NCK2: variants seen among roughly 807,000 people sequenced by gnomAD.
NCK2 encodes cytoplasmic protein NCK2.
Under a neutral mutation model 33.9 loss-of-function variants are expected in NCK2, and 16 were observed. The observed-to-expected ratio is 0.47, with a 90% CI of 0.32 to 0.72. NCK2 has a LOEUF of 0.72. Among genes scored for constraint, NCK2 ranks in the 30% least tolerant of loss-of-function variants. NCK2 has a pLI of 0.03. For synonymous variants in NCK2, 273 were observed against 239.9 expected, an observed-to-expected ratio of 1.14 and a Z score of -1.27; for missense variants, 418 against 537.3, an observed-to-expected ratio of 0.78 and a Z score of 2.19.
chr2:105,836,989 G>A (rs1676459549), intron 2 of NCK2, among the ~76,000 whole-genome samples: 1 of 152,148 alleles, frequency 6.6e-6, no homozygotes, highest in African/African-American at 2.4e-5. Flanking sequence ...AGGCATCTGT[G>A]GTGTGAATGT....
intron 1 of NCK2, among the ~76,000 whole-genome samples, chr2:105,758,653 C>T (rs1689670107): frequency 6.6e-6 from 1 of 151,770 alleles, no homozygotes; most frequent in African/African-American, 2.4e-5. Flanking sequence ...TGTGATCCAC[C>T]CGCCTCAGCC....
chr2:105,783,652 C>T (rs561367067), intron 1 of NCK2, among the ~76,000 whole-genome samples: 109 of 152,148 alleles, frequency 7.2e-4, no homozygotes, highest in African/African-American at 1.4e-3. Context: ...TACCTTAGCA[C>T]GAAGAAACCC....
intron 1 of NCK2, among the ~76,000 whole-genome samples, chr2:105,803,300 A>G (rs1674909816): frequency 6.6e-6 from 1 of 152,118 alleles, no homozygotes; most frequent in Admixed American, 6.5e-5. Flanking sequence ...GCTGTTTTTT[A>G]TAGGCACGTT....
At chr2:105,860,789 C>T (rs1000844447) in intron 3 of NCK2, among the ~76,000 whole-genome samples, 1 of 113,862 alleles carries the variant, frequency 8.8e-6, no homozygotes, top group Non-Finnish European at 2.0e-5. Flanking sequence ...TAGATCCATG[C>T]CCCGCCCGCC....
intron 1 of NCK2, among the ~76,000 whole-genome samples, chr2:105,804,330 A>G (rs930378939): frequency 1.3e-4 from 20 of 152,228 alleles, no homozygotes; most frequent in Non-Finnish European, 2.6e-4. Flanking sequence ...GACCTGGTGG[A>G]CGAGAAAATG....
intron 1 of NCK2, among the ~76,000 whole-genome samples, chr2:105,751,406 C>T (rs986112965): frequency 6.6e-6 from 1 of 152,180 alleles, no homozygotes; most frequent in African/African-American, 2.4e-5. Context: ...CCCTGACAGT[C>T]AGGTCTGGCC....
At chr2:105,854,094 G>A (rs1677169421) in intron 2 of NCK2, 1 of 152,226 alleles carries the variant, frequency 6.6e-6, no homozygotes. Context: ...TAAACTGTCA[G>A]AATCACACAG....
At chr2:105,867,200 T>G (rs894453081) in intron 3 of NCK2, among the ~76,000 whole-genome samples, 2 of 152,238 alleles carry the variant, frequency 1.3e-5, no homozygotes, top group African/African-American at 4.8e-5. Flanking sequence ...TTATCGTCTC[T>G]TTATCACGCT....
At chr2:105,783,895 G>A (rs1690583777) in intron 1 of NCK2, among the ~76,000 whole-genome samples, 1 of 152,122 alleles carries the variant, frequency 6.6e-6, no homozygotes, top group African/African-American at 2.4e-5. Context: ...GTAGCAATCT[G>A]AAATGTGGAT....
At chr2:105,865,585 C>T (rs1300645816) in intron 3 of NCK2, among the ~76,000 whole-genome samples, 1 of 152,180 alleles carries the variant, frequency 6.6e-6, no homozygotes, top group Non-Finnish European at 1.5e-5. Context: ...CCCAGTTCTG[C>T]CTGGACCCTA....
chr2:105,800,422 A>G (rs536777662), intron 1 of NCK2, among the ~76,000 whole-genome samples: 6 of 152,330 alleles, frequency 3.9e-5, no homozygotes, highest in Admixed American at 2.0e-4. Context: ...ATTAGCATTC[A>G]TCTGTTTCCT....
chr2:105,836,761 T>C (rs564342387), intron 2 of NCK2, among the ~76,000 whole-genome samples: 3 of 152,260 alleles, frequency 2.0e-5, no homozygotes, highest in Non-Finnish European at 2.9e-5. Flanking sequence ...CGGTGAGATG[T>C]TGACAGGACC....
intron 1 of NCK2, among the ~76,000 whole-genome samples, chr2:105,813,569 G>A (rs1042041532): frequency 2.6e-5 from 4 of 152,190 alleles, no homozygotes; most frequent in African/African-American, 7.2e-5. Context: ...AAGACACTGC[G>A]CCAGCACCAC....
At chr2:105,809,045 G>T (rs1183825292) in intron 1 of NCK2, among the ~76,000 whole-genome samples, 1 of 152,230 alleles carries the variant, frequency 6.6e-6, no homozygotes, top group Non-Finnish European at 1.5e-5. Flanking sequence ...ACAATGTGAT[G>T]CAGGAGCTTG....
chr2:105,837,963 C>G (rs7589902), intron 2 of NCK2, among the ~76,000 whole-genome samples: 29,538 of 152,180 alleles, frequency 0.19, 3,515 homozygotes, highest in East Asian at 0.32. Flanking sequence ...ATATTCAACA[C>G]CAGTCCTGTA....
At chr2:105,875,351 T>A (rs1465158951) in intron 3 of NCK2, among the ~76,000 whole-genome samples, 1 of 152,150 alleles carries the variant, frequency 6.6e-6, no homozygotes, top group Non-Finnish European at 1.5e-5. Flanking sequence ...GTGCTGGCGG[T>A]ACGGGGTCTC....
intron 2 of NCK2, among the ~76,000 whole-genome samples, chr2:105,841,231 C>CCAGG (rs1676632756): frequency 6.6e-6 from 1 of 150,958 alleles, no homozygotes; most frequent in African/African-American, 2.5e-5. Flanking sequence ...AACCTACCTT[C>CCAGG]CCCTACTTTA....
chr2:105,840,784 G>A (rs191054578), intron 2 of NCK2, among the ~76,000 whole-genome samples: 34 of 152,352 alleles, frequency 2.2e-4, no homozygotes, highest in Admixed American at 9.1e-4. Context: ...AGGACCTCCT[G>A]CTAAACTGCT....
intron 1 of NCK2, among the ~76,000 whole-genome samples, chr2:105,802,547 A>G (rs1674881017): frequency 6.6e-6 from 1 of 152,186 alleles, no homozygotes. Context: ...GCCGATGGGT[A>G]GAGATCCCAT....
Sources: gnomAD v4.1 joint callset for allele counts (sites outside exome capture counted in the v4.1 genomes callset) on GRCh38, gnomAD v4.1.1 for gene constraint, MANE v1.5 for transcripts, NCBI Gene and HGNC (gene_info 2026-07-23, HGNC 2026-07-21) for gene names.